Variants in REC114 observed in about 807,000 individuals in gnomAD.
REC114 encodes the protein meiotic recombination protein REC114.
A neutral mutation model predicts 31.3 loss-of-function variants in REC114; 27 were observed. The ratio of observed to expected loss-of-function variants is 0.86; its 90% CI spans 0.64 to 1.19. REC114 has a LOEUF of 1.19. Ranked by LOEUF, REC114 falls within the 50% of genes most tolerant of loss-of-function variation. The pLI, the probability that REC114 is intolerant of heterozygous loss-of-function variation, is 0.00. For synonymous variants in REC114, 134 were observed against 127.7 expected, an observed-to-expected ratio of 1.05 and a Z score of -0.33; for missense variants, 344 against 326.9, an observed-to-expected ratio of 1.05 and a Z score of -0.40.
intron 1 of REC114, among the ~76,000 whole-genome samples, chr15:73,464,906 T>A (rs957666073): frequency 6.6e-6 from 1 of 151,948 alleles, no homozygotes; most frequent in Non-Finnish European, 1.5e-5. Flanking sequence ...TGTTTGTTTG[T>A]TTTGAGATGG....
chr15:73,493,016 T>A (rs1489569623), intron 2 of REC114, among the ~76,000 whole-genome samples: 1 of 151,786 alleles, frequency 6.6e-6, no homozygotes, highest in Non-Finnish European at 1.5e-5. Context: ...TTTTTTATTT[T>A]TATTTATTTA....
intron 2 of REC114, among the ~76,000 whole-genome samples, chr15:73,512,210 G>C (rs1318670230): frequency 1.7e-5 from 2 of 116,834 alleles, no homozygotes; most frequent in African/African-American, 9.3e-5. Flanking sequence ...GGCCTTCTTT[G>C]TCTCTTTTGA....
chr15:73,508,887 T>C (rs1417265183), intron 2 of REC114, among the ~76,000 whole-genome samples: 6 of 151,476 alleles, frequency 4.0e-5, no homozygotes, highest in African/African-American at 1.5e-4. Context: ...CTATTGTGAA[T>C]AATGCCGCAA....
At chr15:73,527,081 G>A (rs956610379) in intron 2 of REC114, among the ~76,000 whole-genome samples, 3 of 151,958 alleles carry the variant, frequency 2.0e-5, no homozygotes, top group African/African-American at 7.3e-5. Context: ...CAAAGTACTG[G>A]GACCATAGGT....
chr15:73,476,839 A>G (rs954523389), intron 2 of REC114, among the ~76,000 whole-genome samples: 6 of 152,226 alleles, frequency 3.9e-5, no homozygotes, highest in African/African-American at 1.4e-4. Flanking sequence ...ACACTACTGA[A>G]TATTTGTATA....
At chr15:73,482,025 CA>C (rs1213536377) in intron 2 of REC114, among the ~76,000 whole-genome samples, 2 of 152,156 alleles carry the variant, frequency 1.3e-5, no homozygotes, top group Non-Finnish European at 2.9e-5. Context: ...GTGCCACCAG[CA>C]GCACCATCTA....
chr15:73,515,172 C>T (rs1454393970), intron 2 of REC114, among the ~76,000 whole-genome samples: 1 of 152,032 alleles, frequency 6.6e-6, no homozygotes, highest in East Asian at 1.9e-4. Context: ...ATCAAGCAAC[C>T]CTCCCACCTT....
chr15:73,447,338 G>A (rs1002262646), intron 1 of REC114, among the ~76,000 whole-genome samples: 3 of 152,198 alleles, frequency 2.0e-5, no homozygotes, highest in African/African-American at 4.8e-5. Flanking sequence ...ATGGGATTAG[G>A]TGAGATTCGG....
At chr15:73,491,714 A>G (rs902823828) in intron 2 of REC114, among the ~76,000 whole-genome samples, 4 of 152,164 alleles carry the variant, frequency 2.6e-5, no homozygotes, top group South Asian at 2.1e-4. Flanking sequence ...CCTGACCAAC[A>G]TAGTGAAACC....
chr15:73,527,819 A>G (rs1894026834), intron 2 of REC114, among the ~76,000 whole-genome samples: 1 of 152,178 alleles, frequency 6.6e-6, no homozygotes, highest in Admixed American at 6.5e-5. Context: ...TGACCTTCCA[A>G]ATATGAGTGG....
intron 2 of REC114, among the ~76,000 whole-genome samples, chr15:73,501,905 G>A (rs988879482): frequency 6.6e-6 from 1 of 152,000 alleles, no homozygotes; most frequent in Non-Finnish European, 1.5e-5. Flanking sequence ...TTCCGGAGTA[G>A]AGTTTATTTT....
intron 2 of REC114, among the ~76,000 whole-genome samples, chr15:73,538,275 A>T (rs890546335): frequency 2.6e-5 from 4 of 151,754 alleles, no homozygotes; most frequent in Non-Finnish European, 4.4e-5. Flanking sequence ...AAGACAGTAT[A>T]AAAAAAATGC....
intron 2 of REC114, among the ~76,000 whole-genome samples, chr15:73,478,107 T>C (rs934619798): frequency 6.6e-6 from 1 of 151,530 alleles, no homozygotes; most frequent in African/African-American, 2.4e-5. Context: ...CTACTAAAAA[T>C]ATAAAAACTA....
chr15:73,481,404 A>G (rs1414770315), intron 2 of REC114, among the ~76,000 whole-genome samples: 2 of 152,098 alleles, frequency 1.3e-5, no homozygotes, highest in South Asian at 2.1e-4. Flanking sequence ...CATCACTGCC[A>G]GAGGGCTCCA....
intron 4 of REC114, among the ~76,000 whole-genome samples, chr15:73,553,908 C>A (rs538107940): frequency 1.2e-4 from 18 of 152,276 alleles, no homozygotes; most frequent in Non-Finnish European, 2.1e-4. Flanking sequence ...AGAATCCTGG[C>A]CCTATTTCTT....
chr15:73,522,106 C>T (rs1393678765), intron 2 of REC114, among the ~76,000 whole-genome samples: 1 of 152,032 alleles, frequency 6.6e-6, no homozygotes, highest in East Asian at 1.9e-4. Flanking sequence ...CAGAAAAGGC[C>T]CTTTTCAAAG....
At chr15:73,507,714 CCT>C (rs1893700860) in intron 2 of REC114, among the ~76,000 whole-genome samples, 1 of 151,920 alleles carries the variant, frequency 6.6e-6, no homozygotes, top group African/African-American at 2.4e-5. Flanking sequence ...ATGTTAAAAA[CCT>C]AGAAACAATC....
intron 2 of REC114, among the ~76,000 whole-genome samples, chr15:73,520,631 C>T (rs1370388211): frequency 2.0e-5 from 3 of 152,162 alleles, no homozygotes; most frequent in Non-Finnish European, 4.4e-5. Context: ...ACGAACCTCC[C>T]TGCCCCATTT....
chr15:73,533,593 C>CT (rs1304168612), intron 2 of REC114, among the ~76,000 whole-genome samples: 3 of 151,564 alleles, frequency 2.0e-5, no homozygotes, highest in African/African-American at 7.3e-5. Flanking sequence ...TAATGGGAGA[C>CT]TTTAACACCC....
Sources: gnomAD v4.1 joint callset for allele counts (sites outside exome capture counted in the v4.1 genomes callset) on GRCh38, gnomAD v4.1.1 for gene constraint, MANE v1.5 for transcripts, NCBI Gene and HGNC (gene_info 2026-07-23, HGNC 2026-07-21) for gene names.